The following EMSY variants were observed in gnomAD, a reference collection of about 807,000 sequenced individuals.
EMSY encodes BRCA2-interacting transcriptional repressor EMSY.
A neutral mutation model predicts 134.6 loss-of-function variants in EMSY; 26 were observed. The observed-to-expected ratio is 0.19, with a 90% confidence interval of 0.14 to 0.27. The LOEUF is 0.27. Ranked by LOEUF, EMSY falls within the 10% of genes least tolerant of loss-of-function variation. The pLI is 1.00. For synonymous variants in EMSY, 579 were observed against 577.8 expected (o/e 1.00, Z -0.03); for missense variants, 1,305 against 1,611.4 (o/e 0.81, Z 3.26).
At chr11:76,464,051 A>T in exon 7 of EMSY, 2 of 1,614,198 alleles carry the variant, frequency 1.2e-6, no homozygotes, top group Non-Finnish European at 1.7e-6. Context: ...TAAACCATCA[A>T]CACAGACAAC....
chr11:76,509,999 C>T (rs1417473067), intron 9 of EMSY, among the ~76,000 whole-genome samples: 1 of 152,222 alleles, frequency 6.6e-6, no homozygotes, highest in Admixed American at 6.5e-5. Flanking sequence ...TTCAAGGTTA[C>T]AGTCATCATG....
chr11:76,448,561 A>G (rs1194970941), intron 2 of EMSY, among the ~76,000 whole-genome samples: 2 of 152,066 alleles, frequency 1.3e-5, no homozygotes, highest in African/African-American at 4.8e-5. Context: ...CTTTAAGTCT[A>G]AATTTATTCC....
intron 2 of EMSY, among the ~76,000 whole-genome samples, chr11:76,450,376 A>G (rs895861249): frequency 1.3e-5 from 2 of 152,216 alleles, no homozygotes; most frequent in African/African-American, 4.8e-5. Flanking sequence ...TCTGAGCAGC[A>G]GAGCTTTGTC....
At chr11:76,515,268 CA>C (rs1950412220) in intron 10 of EMSY, among the ~76,000 whole-genome samples, 1 of 151,262 alleles carries the variant, frequency 6.6e-6, no homozygotes, top group Non-Finnish European at 1.5e-5. Flanking sequence ...ATTTGATTAT[CA>C]TGAAAGATTT....
At chr11:76,551,014 C>T (rs1211371309) in exon 21 of EMSY, 1 of 152,724 alleles carries the variant, frequency 6.5e-6, no homozygotes, top group Non-Finnish European at 1.5e-5. Flanking sequence ...GTTAAGAAAA[C>T]AAATTATTCA....
In EMSY at chr11:76,532,358, T is replaced by G. The variant is rs140115720; in HGVS notation, c.2195-3537T>G. Among the ~76,000 whole-genome samples the G allele has an allele frequency of 4.1e-3, 630 of 151,942 alleles. 6 individuals carry two copies. Among genetic ancestry groups the G allele is most frequent in the African/African-American group, 0.015 (602 of 41,488 alleles). ...GTTGCCTGAGTCCAAAATGTTTTTT[T>G]TTTTTTTTTCTGGAGTTCCCCCTAA... is the stretch of plus-strand genomic sequence containing the variant. On this transcript the variant is annotated intron_variant, in intron 14 of 20. Coordinates refer to ENST00000334736, the Ensembl canonical transcript of EMSY.
chr11:76,458,338 C>T lies in EMSY; in HGVS notation c.401C>T (p.Ala134Val), dbSNP rs1485351656. 8 of 1,608,466 alleles carry T rather than the reference C, an allele frequency of 5.0e-6. No individual in the cohort carries two copies. In the African/African-American group the frequency reaches 9.4e-5, roughly 19 times the overall value. ...CATAATGCATCTCTTCCAGTGCCTGCAGAAACAGGAAGCAAGGAAGGTGAG... is the reference window on the plus strand; with the variant it reads ...CATAATGCATCTCTTCCAGTGCCTGTAGAAACAGGAAGCAAGGAAGGTGAG... The change falls in exon 5 of 21, where the codon GCA becomes GTA. Residue 134 changes from alanine to valine, a missense_variant. Physicochemically the swap from Ala to Val is moderately conservative, Grantham distance 64. Around this residue, in one of 7 missense-constraint regions of EMSY, gnomAD observed 205 missense variants for 268.6 expected, o/e 0.76. Coordinates refer to ENST00000334736, the Ensembl canonical transcript of EMSY.
intron 8 of EMSY, among the ~76,000 whole-genome samples, chr11:76,486,252 C>T (rs879192868): frequency 6.8e-6 from 1 of 147,858 alleles, no homozygotes; most frequent in Non-Finnish European, 1.5e-5. Context: ...GGCCTGTTGG[C>T]GGGTGGGGGG....
chr11:76,471,676 G>A (rs755343504), intron 7 of EMSY, among the ~76,000 whole-genome samples: 3 of 151,994 alleles, frequency 2.0e-5, no homozygotes, highest in Non-Finnish European at 4.4e-5. Flanking sequence ...CTATGATTAT[G>A]GGTTTTTGGA....
chr11:76,533,713 G>C (rs1264412032), intron 14 of EMSY, among the ~76,000 whole-genome samples: 3 of 152,128 alleles, frequency 2.0e-5, no homozygotes, highest in Non-Finnish European at 4.4e-5. Flanking sequence ...TATCTAACGT[G>C]TAGTAGGTAT....
At chr11:76,497,138 A>G (rs538021698) in intron 9 of EMSY, 1 of 152,620 alleles carries the variant, frequency 6.6e-6, no homozygotes, top group East Asian at 1.9e-4. Context: ...TTTCTGTTCA[A>G]TTAAGTTTTT....
At chr11:76,486,323 CA>C (rs1291896886) in intron 8 of EMSY, among the ~76,000 whole-genome samples, 1 of 152,124 alleles carries the variant, frequency 6.6e-6, no homozygotes, top group African/African-American at 2.4e-5. Flanking sequence ...TTGGGTGCAG[CA>C]AAGCACCATG....
exon 21 of EMSY, chr11:76,550,056 TGAG>T (rs747627025): frequency 1.2e-6 from 2 of 1,613,894 alleles, no homozygotes; most frequent in Non-Finnish European, 1.7e-6. Flanking sequence ...AGCTGGATGA[TGAG>T]GAGACAGCAA....
At chr11:76,550,808 A>G (rs902123305) in exon 21 of EMSY, 2 of 152,302 alleles carry the variant, frequency 1.3e-5, no homozygotes, top group African/African-American at 4.8e-5. Context: ...CTTGCCTTCT[A>G]TTTATTTAAG....
chr11:76,457,176 C>G (rs185044144), intron 4 of EMSY, among the ~76,000 whole-genome samples: 3 of 152,078 alleles, frequency 2.0e-5, no homozygotes, highest in African/African-American at 7.2e-5. Context: ...TTCCACTGCC[C>G]ACTAACAAGG....
intron 9 of EMSY, among the ~76,000 whole-genome samples, chr11:76,503,659 GA>G (rs1473430758): frequency 1.3e-5 from 2 of 151,992 alleles, no homozygotes; most frequent in Non-Finnish European, 1.5e-5. Context: ...CAAACTCTTA[GA>G]AAAAAACTTA....
At chr11:76,473,455 C>T (rs1172073562) in intron 8 of EMSY, among the ~76,000 whole-genome samples, 2 of 151,898 alleles carry the variant, frequency 1.3e-5, no homozygotes, top group African/African-American at 4.8e-5. Context: ...CACAGGCACA[C>T]ACCACCATAC....
chr11:76,513,826 G>A (rs997026419), intron 10 of EMSY, among the ~76,000 whole-genome samples: 1 of 152,072 alleles, frequency 6.6e-6, no homozygotes, highest in African/African-American at 2.4e-5. Flanking sequence ...CATAAGCTCT[G>A]TGAGCGTAAG....
chr11:76,530,593 C>T (rs972814660), intron 14 of EMSY, among the ~76,000 whole-genome samples: 1 of 152,204 alleles, frequency 6.6e-6, no homozygotes. Flanking sequence ...CAACCTAATA[C>T]ATCTTTCATT....
Sources: gnomAD v4.1 joint callset for allele counts (sites outside exome capture counted in the v4.1 genomes callset) on GRCh38, gnomAD v4.1.1 for gene constraint, gnomAD v4.1.1 regional missense constraint, MANE v1.5 for transcripts, NCBI Gene and HGNC (gene_info 2026-07-23, HGNC 2026-07-21) for gene names.